Variants in DNTT observed in about 807,000 individuals in gnomAD.
DNTT encodes nucleosidetriphosphate:DNA deoxynucleotidylexotransferase.
A neutral mutation model predicts 60.9 loss-of-function variants in DNTT; 47 were observed. The ratio of observed to expected loss-of-function variants is 0.77; its 90% CI spans 0.61 to 0.98. The LOEUF (loss-of-function observed/expected upper bound fraction) is 0.98. DNTT is among the 50% of genes least tolerant of loss of function. The pLI is 0.00. For synonymous variants in DNTT, 224 were observed against 221.2 expected, an observed-to-expected ratio of 1.01 and a Z score of -0.11; for missense variants, 665 against 627.5, an observed-to-expected ratio of 1.06 and a Z score of -0.64.
chr10:96,335,856 G>A (rs183742428), intron 9 of DNTT, 35 bp from the exon 10 acceptor site: 730 of 1,601,404 alleles, frequency 4.6e-4, no homozygotes, highest in Non-Finnish European at 5.7e-4. Context: ...CATTCTAGAC[G>A]TGTTAATAAT....
intron 4 of DNTT, among the ~76,000 whole-genome samples, chr10:96,322,074 C>T (rs941148484): frequency 6.6e-6 from 1 of 152,096 alleles, no homozygotes; most frequent in Admixed American, 6.5e-5. Flanking sequence ...CTACACCTCT[C>T]CAGGGAGAGC....
intron 6 of DNTT, 117 bp from the exon 7 acceptor site, chr10:96,327,351 G>A: frequency 7.0e-7 from 1 of 1,436,922 alleles, no homozygotes; most frequent in East Asian, 2.3e-5. Context: ...ATGGAGTTTG[G>A]TGTTGATGCC....
intron 1 of DNTT, 41 bp from the exon 2 acceptor site, chr10:96,318,311 G>T (rs780981596): frequency 1.3e-6 from 2 of 1,575,862 alleles, no homozygotes; most frequent in Admixed American, 3.6e-5. Flanking sequence ...TTCTGATTTT[G>T]AAAGATGTTT....
intron 7 of DNTT, 143 bp downstream of exon 7, chr10:96,327,743 A>C: frequency 7.4e-7 from 1 of 1,351,692 alleles, no homozygotes; most frequent in Non-Finnish European, 9.9e-7. Flanking sequence ...CTCACATTTC[A>C]TTTCAGCAAC....
At chr10:96,330,578 G>A (rs1329284907) in intron 8 of DNTT, among the ~76,000 whole-genome samples, 2 of 152,064 alleles carry the variant, frequency 1.3e-5, no homozygotes, top group Non-Finnish European at 2.9e-5. Context: ...CCCTTCAAAT[G>A]GTGTTTTTTC....
In DNTT at chr10:96,324,339, G is replaced by A; in HGVS notation, c.824G>A (p.Ser275Asn). ...TTCAGGATGGGTTTCAGAACTCTGA[G>A]TAAAGTAAGGTCGGACAAAAGCCTG... is the stretch of plus-strand genomic sequence containing the variant. ...KWFRMGFRTL[S>N]KVRSDKSLKF... Residue 275 changes from serine to asparagine, a missense_variant, in exon 6 of 11, where the codon AGT becomes AAT. Transcript: ENST00000371174. The A allele has an allele frequency of 5.6e-6, 9 of 1,613,910 alleles. No homozygotes were observed. The highest frequency in any genetic ancestry group is 1.1e-5 in the South Asian group (1 of 91,070).
rs765219557 is a variant in DNTT at position 96,332,629 on chromosome 10, A to G, written c.1359+33A>G. 3.1e-6 allele frequency: 5 copies of G among 1,604,672 alleles called. No individual in the cohort carries two copies. The South Asian group carries it at 5.5e-5, about 18-fold the overall frequency. ...CTACATGGACCCATGGGATGATGTT[A>G]GCTTTCTGAAAGACGTAGGCCGAGT... On this transcript the variant is annotated intron_variant, in intron 9 of 10. Coordinates refer to ENST00000371174, the MANE Select transcript of DNTT (RefSeq NM_004088.4).
At chr10:96,311,739 G>A (rs1419357106) in intron 1 of DNTT, among the ~76,000 whole-genome samples, 2 of 152,206 alleles carry the variant, frequency 1.3e-5, no homozygotes, top group Admixed American at 6.5e-5. Flanking sequence ...CACCTCCTGG[G>A]TTCAAGCGAT....
chr10:96,312,072 T>C (rs1367520827), intron 1 of DNTT, among the ~76,000 whole-genome samples: 1 of 152,232 alleles, frequency 6.6e-6, no homozygotes, highest in Non-Finnish European at 1.5e-5. Context: ...AATAAACACA[T>C]AAGCCTTTTA....
chr10:96,330,727 A>G (rs1012277541), intron 8 of DNTT, among the ~76,000 whole-genome samples: 2 of 152,198 alleles, frequency 1.3e-5, no homozygotes, highest in Non-Finnish European at 2.9e-5. Flanking sequence ...CAATTTACCA[A>G]TGATGCTCAA....
chr10:96,305,348 G>A (rs569446173), intron 1 of DNTT, among the ~76,000 whole-genome samples: 5 of 152,300 alleles, frequency 3.3e-5, no homozygotes, highest in East Asian at 1.9e-4. Context: ...GCAAGGAGGC[G>A]ATAGAAGCAT....
chr10:96,325,808 G>A (rs1468083108), intron 6 of DNTT, among the ~76,000 whole-genome samples: 1 of 152,196 alleles, frequency 6.6e-6, no homozygotes, highest in Non-Finnish European at 1.5e-5. Flanking sequence ...ACTGTGAAGG[G>A]TAAGCTAATT....
At chr10:96,309,255 G>T (rs1389906567) in intron 1 of DNTT, among the ~76,000 whole-genome samples, 2 of 152,146 alleles carry the variant, frequency 1.3e-5, no homozygotes, top group Middle Eastern at 3.2e-3. Flanking sequence ...AAAGCAAGAT[G>T]CAGCATCATG....
At chr10:96,323,921 G>T (rs1033025055) in intron 5 of DNTT, among the ~76,000 whole-genome samples, 1 of 152,092 alleles carries the variant, frequency 6.6e-6, no homozygotes, top group Non-Finnish European at 1.5e-5. Context: ...CATGAGTGTC[G>T]GTGAGAGACC....
chr10:96,326,208 A>G (rs1392447208), intron 6 of DNTT, among the ~76,000 whole-genome samples: 2 of 152,220 alleles, frequency 1.3e-5, no homozygotes, highest in African/African-American at 2.4e-5. Context: ...TTTGAATATT[A>G]GTCATGATGA....
intron 1 of DNTT, among the ~76,000 whole-genome samples, chr10:96,316,895 A>G (rs1378174361): frequency 6.6e-6 from 1 of 152,120 alleles, no homozygotes; most frequent in African/African-American, 2.4e-5. Context: ...TACTACCATC[A>G]CCGCCACCAC....
rs752907059 is a variant in DNTT at position 96,304,547 on chromosome 10, G to T, written c.50G>T (p.Arg17Leu). ...SHLSPRKKRP[R>L]QTGALMASSP... is the part of the protein sequence containing the mutation. ...TTGAGCCCTCGGAAGAAGAGACCCC[G>T]GCAGACGGGTGCCTTGATGGCCTCC... Residue 17 changes from arginine (R) to leucine (L), a missense_variant, in exon 1 of 11, where the codon CGG becomes CTG. Physicochemically the swap from Arg to Leu is moderately radical, Grantham distance 102. Coordinates refer to ENST00000371174, the MANE Select transcript of DNTT (RefSeq NM_004088.4). The T allele has an allele frequency of 1.2e-6, 2 of 1,614,088 alleles. No homozygotes were observed. Among genetic ancestry groups the T allele is most frequent in the Non-Finnish European group, 1.7e-6 (2 of 1,180,012 alleles).
intron 9 of DNTT, 27 bp downstream of exon 9, chr10:96,332,623 G>A: frequency 6.2e-7 from 1 of 1,606,400 alleles, no homozygotes; most frequent in African/African-American, 1.3e-5. Context: ...CCCATGGGAT[G>A]ATGTTAGCTT....
chr10:96,307,924 A>T (rs1450645149), intron 1 of DNTT, among the ~76,000 whole-genome samples: 1 of 151,690 alleles, frequency 6.6e-6, no homozygotes, highest in Non-Finnish European at 1.5e-5. Context: ...GATGCGGGCC[A>T]TGCCCGGCTA....
Sources: allele counts gnomAD v4.1 joint callset (sites outside exome capture counted in the v4.1 genomes callset), GRCh38; gene constraint gnomAD v4.1.1; transcripts MANE v1.5; gene names NCBI Gene and HGNC (gene_info 2026-07-23, HGNC 2026-07-21).